The following SLC25A48 variants were observed in gnomAD, a reference collection of about 807,000 sequenced individuals.
SLC25A48 encodes solute carrier family 25 member 48, also known as CTC-321K16.1.
SLC25A48 carries 29 observed loss-of-function variants against 32.2 expected under a neutral mutation model. The observed-to-expected ratio is 0.90, with a 90% CI of 0.67 to 1.23. The LOEUF is 1.23. Ranked by LOEUF, SLC25A48 falls within the 50% of genes most tolerant of loss-of-function variation. The pLI, the probability that SLC25A48 is intolerant of heterozygous loss-of-function variation, is 0.00. For synonymous variants in SLC25A48, 164 were observed against 172.3 expected (o/e 0.95, Z 0.38); for missense variants, 399 against 422.7 (o/e 0.94, Z 0.49).
At chr5:135,769,102 G>C (rs1030692342) in intron 3 of SLC25A48, among the ~76,000 whole-genome samples, 1 of 151,470 alleles carries the variant, frequency 6.6e-6, no homozygotes, top group Non-Finnish European at 1.5e-5. Flanking sequence ...GATATTGTTT[G>C]TAATATTCAG....
chr5:135,651,278 G>T (rs1291949247), intron 3 of SLC25A48, among the ~76,000 whole-genome samples: 1 of 152,056 alleles, frequency 6.6e-6, no homozygotes, highest in South Asian at 2.1e-4. Context: ...CTCCTATAGT[G>T]CCCAGTGACT....
At chr5:135,755,148 T>C (rs1342589697) in intron 3 of SLC25A48, among the ~76,000 whole-genome samples, 18 of 152,102 alleles carry the variant, frequency 1.2e-4, no homozygotes, top group Admixed American at 2.6e-4. Context: ...TTATTTATGA[T>C]ACCCAGTGTT....
At position 135,779,066 on chromosome 5, in the gene SLC25A48, C is replaced by T. The variant is rs1370484683; in HGVS notation, c.-520-33457C>T. On this transcript the variant is annotated intron_variant, in intron 3 of 10. Coordinates refer to the SLC25A48 transcript ENST00000646290. ...TACTTCCAATATCACAGTAGGTGTA[C>T]AACCCCCTGTGATATTTTTCTAATA... Among the ~76,000 whole-genome samples, 3 of 151,882 alleles carry T rather than the reference C, an allele frequency of 2.0e-5. No individual in the cohort carries two copies. The South Asian group carries it at 6.2e-4, about 32-fold the overall frequency.
intron 4 of SLC25A48, among the ~76,000 whole-genome samples, chr5:135,870,853 C>T (rs1339641060): frequency 2.6e-5 from 4 of 151,204 alleles, no homozygotes; most frequent in South Asian, 2.1e-4. Flanking sequence ...AGGTAAATTT[C>T]GAATTATTTC....
At chr5:135,630,351 C>T (rs1224188948) in intron 2 of SLC25A48, among the ~76,000 whole-genome samples, 1 of 152,164 alleles carries the variant, frequency 6.6e-6, no homozygotes, top group Non-Finnish European at 1.5e-5. Flanking sequence ...GACTTGAACA[C>T]TCAGCCCCAT....
chr5:135,691,981 G>A (rs1233151286), intron 3 of SLC25A48, among the ~76,000 whole-genome samples: 1 of 152,150 alleles, frequency 6.6e-6, no homozygotes, highest in Non-Finnish European at 1.5e-5. Context: ...TCCTGCCCAA[G>A]AGCTACGTGA....
chr5:135,646,311 C>G (rs553838971), intron 3 of SLC25A48, among the ~76,000 whole-genome samples: 3 of 152,052 alleles, frequency 2.0e-5, no homozygotes, highest in Admixed American at 6.6e-5. Context: ...GTTTCAGGAG[C>G]CTTATGGCAG....
chr5:135,672,349 G>A (rs1483717826), intron 3 of SLC25A48, among the ~76,000 whole-genome samples: 2 of 152,212 alleles, frequency 1.3e-5, no homozygotes, highest in Non-Finnish European at 2.9e-5. Flanking sequence ...CATAACCACA[G>A]CAGGTTTTTG....
chr5:135,754,222 A>G (rs1337284471), intron 3 of SLC25A48, among the ~76,000 whole-genome samples: 2 of 152,054 alleles, frequency 1.3e-5, no homozygotes. Flanking sequence ...CTGTGTGTAC[A>G]GTGTGTACGG....
chr5:135,808,768 A>G (rs532072201), intron 3 of SLC25A48, among the ~76,000 whole-genome samples: 62 of 152,298 alleles, frequency 4.1e-4, no homozygotes, highest in African/African-American at 1.5e-3. Context: ...AATGTTACTT[A>G]TCTTTACTTT....
intron 3 of SLC25A48, chr5:135,653,703 A>G (rs151335049): frequency 1.0e-3 from 423 of 419,794 alleles, no homozygotes; most frequent in Admixed American, 1.7e-3. Flanking sequence ...AGACAGACCA[A>G]TCTCCACTCC....
intron 3 of SLC25A48, among the ~76,000 whole-genome samples, chr5:135,805,958 G>A (rs769949351): frequency 6.6e-6 from 1 of 151,512 alleles, no homozygotes; most frequent in Non-Finnish European, 1.5e-5. Context: ...TACATCCTGT[G>A]ATATTATTTG....
At chr5:135,589,766 C>T (rs987446433) in intron 1 of SLC25A48, among the ~76,000 whole-genome samples, 2 of 152,176 alleles carry the variant, frequency 1.3e-5, no homozygotes, top group African/African-American at 2.4e-5. Context: ...ACGATCTTGG[C>T]TCACTGCAAC....
At chr5:135,848,485 C>T (rs919290268) in intron 2 of SLC25A48, among the ~76,000 whole-genome samples, 1 of 152,224 alleles carries the variant, frequency 6.6e-6, no homozygotes, top group African/African-American at 2.4e-5. Flanking sequence ...TCTCATCTTG[C>T]TGCATTTTCC....
intron 4 of SLC25A48, among the ~76,000 whole-genome samples, chr5:135,815,285 A>G (rs1367870589): frequency 2.0e-5 from 3 of 152,206 alleles, no homozygotes; most frequent in Non-Finnish European, 4.4e-5. Flanking sequence ...CATAAGGAGC[A>G]TGAAACCTAG....
intron 2 of SLC25A48, among the ~76,000 whole-genome samples, chr5:135,848,509 C>A (rs74963647): frequency 3.3e-5 from 5 of 152,358 alleles, no homozygotes; most frequent in African/African-American, 9.6e-5. Context: ...GAGTCTCCCC[C>A]ACTGAATTTA....
At chr5:135,732,175 A>C (rs895859645) in intron 3 of SLC25A48, among the ~76,000 whole-genome samples, 44 of 152,256 alleles carry the variant, frequency 2.9e-4, no homozygotes, top group African/African-American at 1.0e-3. Flanking sequence ...GTGTTTTTAA[A>C]AGACCATTAG....
rs553126524 is a variant in SLC25A48, at chr5:135,595,707, G to T, written c.-849+16110G>T. ...GCTCTGAGACTCCATTTCTTCATTT[G>T]TAAATTAAGTGTAATTATTATTATA... On this transcript the variant is annotated intron_variant, in intron 1 of 10. Transcript: ENST00000646290. Among the ~76,000 whole-genome samples, 22 of 152,250 alleles carry T rather than the reference G, an allele frequency of 1.4e-4. 1 individual carries two copies. In the South Asian group the frequency reaches 3.7e-3, roughly 26 times the overall value.
At chr5:135,841,755 A>G (rs1561523955) in intron 1 of SLC25A48, among the ~76,000 whole-genome samples, 2 of 152,164 alleles carry the variant, frequency 1.3e-5, no homozygotes, top group South Asian at 4.1e-4. Context: ...TTCATTAAGT[A>G]TGAATTCAGG....
Sources: allele counts gnomAD v4.1 joint callset (sites outside exome capture counted in the v4.1 genomes callset), GRCh38; gene constraint gnomAD v4.1.1; transcripts MANE v1.5; gene names NCBI Gene and HGNC (gene_info 2026-07-23, HGNC 2026-07-21).